The following GPR139 variants were observed in gnomAD, a reference collection of about 807,000 sequenced individuals.
GPR139 encodes probable G protein-coupled receptor 139.
A neutral mutation model predicts 25.8 loss-of-function variants in GPR139; 12 were observed. That is an observed-to-expected ratio of 0.47 (90% CI 0.30 to 0.75). GPR139 has a LOEUF of 0.75. Ranked by LOEUF, GPR139 falls within the 30% of genes least tolerant of loss-of-function variation. The pLI is 0.07. For missense variants in GPR139, 380 were observed against 450.2 expected (o/e 0.84, Z 1.41); for synonymous variants, 184 against 179.9 (o/e 1.02, Z -0.18).
intron 1 of GPR139, among the ~76,000 whole-genome samples, chr16:20,055,897 T>C (rs899393126): frequency 9.2e-5 from 14 of 152,236 alleles, no homozygotes; most frequent in African/African-American, 3.4e-4. Context: ...ATCTGTAGAA[T>C]TGGGTAATAG....
At chr16:20,064,481 G>A (rs370257139) in intron 1 of GPR139, among the ~76,000 whole-genome samples, 9 of 152,280 alleles carry the variant, frequency 5.9e-5, no homozygotes, top group African/African-American at 1.7e-4. Context: ...CTTTCAGTGA[G>A]CTGAAATTGG....
intron 1 of GPR139, among the ~76,000 whole-genome samples, chr16:20,061,371 A>ATGGATGGATAGATGGATAGG (rs2057413879): frequency 2.6e-5 from 4 of 151,594 alleles, no homozygotes; most frequent in African/African-American, 7.3e-5. Context: ...GGGTGGATGG[A>ATGGATGGATAGATGGATAGG]TGGATGGATA....
intron 1 of GPR139, among the ~76,000 whole-genome samples, chr16:20,061,665 A>G (rs2057414904): frequency 6.6e-6 from 1 of 152,228 alleles, no homozygotes; most frequent in Admixed American, 6.5e-5. Flanking sequence ...CTTCCACTTT[A>G]TAGAAAAACA....
intron 1 of GPR139, among the ~76,000 whole-genome samples, chr16:20,037,393 A>G (rs913224094): frequency 1.1e-4 from 16 of 151,182 alleles, no homozygotes; most frequent in Non-Finnish European, 1.6e-4. Context: ...TGGAAGTTAC[A>G]GTGAGCCGAG....
intron 1 of GPR139, among the ~76,000 whole-genome samples, chr16:20,072,842 G>T (rs922627366): frequency 5.9e-5 from 9 of 152,182 alleles, no homozygotes; most frequent in Non-Finnish European, 1.2e-4. Context: ...GGCAGCCACC[G>T]CAGGCTGCCC....
intron 1 of GPR139, among the ~76,000 whole-genome samples, chr16:20,048,724 C>T (rs929566352): frequency 3.9e-5 from 6 of 152,142 alleles, no homozygotes; most frequent in African/African-American, 1.2e-4. Flanking sequence ...AGTTACACAC[C>T]CCATCCCAAT....
intron 1 of GPR139, among the ~76,000 whole-genome samples, chr16:20,066,658 A>G (rs917647222): frequency 6.6e-6 from 1 of 152,226 alleles, no homozygotes; most frequent in Non-Finnish European, 1.5e-5. Flanking sequence ...AGCTCCTACA[A>G]TGTGTGAGGC....
At chr16:20,036,282 G>A (rs2057309851) in intron 1 of GPR139, among the ~76,000 whole-genome samples, 1 of 152,150 alleles carries the variant, frequency 6.6e-6, no homozygotes, top group African/African-American at 2.4e-5. Context: ...GGGTATAGGA[G>A]CTCAGTTGCT....
intron 1 of GPR139, among the ~76,000 whole-genome samples, chr16:20,058,636 A>C (rs2057399924): frequency 6.6e-6 from 1 of 152,188 alleles, no homozygotes; most frequent in African/African-American, 2.4e-5. Context: ...ACTTGGGGTC[A>C]TTATTCCCTT....
At chr16:20,062,360 GATA>G (rs927281153) in intron 1 of GPR139, among the ~76,000 whole-genome samples, 18 of 152,200 alleles carry the variant, frequency 1.2e-4, no homozygotes, top group East Asian at 5.8e-4. Flanking sequence ...CCCGTGAGAG[GATA>G]CAACAAGTCA....
In GPR139 at chr16:20,073,683, C is replaced by T. The variant is rs1015692838; in HGVS notation, c.-67G>A. The T allele has an allele frequency of 2.7e-6, 4 of 1,478,116 alleles. No individual in the cohort carries two copies. The highest frequency in any genetic ancestry group is 2.7e-6 in the Non-Finnish European group (3 of 1,117,218). 91.6% of individuals were successfully genotyped at this position (1,478,116 alleles called of 1,614,324 possible). On this transcript the variant is annotated 5_prime_UTR_variant, in exon 1 of 2. Transcript: ENST00000570682. This position sits in a 1 kb window ranked among gnomAD's most constrained non-coding sequence, Gnocchi z 4.7. ...GCCAGCCCGACTCTGGTCGCCGGCTCGGTGGTGGCGGCGGCGGAGGCAGCG... is the reference window on the plus strand; with the variant it reads ...GCCAGCCCGACTCTGGTCGCCGGCTTGGTGGTGGCGGCGGCGGAGGCAGCG...
chr16:20,038,300 A>G (rs374914399), intron 1 of GPR139, among the ~76,000 whole-genome samples: 26 of 150,656 alleles, frequency 1.7e-4, no homozygotes, highest in Admixed American at 8.6e-4. Context: ...ACACATACAT[A>G]CAGGTTTAAG....
chr16:20,039,770 G>A (rs1277654283), intron 1 of GPR139, among the ~76,000 whole-genome samples: 1 of 152,112 alleles, frequency 6.6e-6, no homozygotes, highest in Non-Finnish European at 1.5e-5. Flanking sequence ...AAATTAGAAG[G>A]GGAAAGTCTG....
intron 1 of GPR139, among the ~76,000 whole-genome samples, chr16:20,052,870 T>C (rs1658090889): frequency 6.6e-6 from 1 of 152,046 alleles, no homozygotes; most frequent in African/African-American, 2.4e-5. Context: ...AAATTATTAA[T>C]TTTAAGTTCC....
rs555248129 is a variant in GPR139, at chr16:20,036,791, G to C, written c.128-4122C>G. 2.0e-5 allele frequency among the ~76,000 whole-genome samples: 3 copies of C among 152,318 alleles called. No individual in the cohort carries two copies. In the South Asian group the frequency reaches 6.2e-4, roughly 32 times the overall value. ...GTTAATAAGACTATCTACCTCATAG[G>C]GTTGTTCTGAGGGTTAAGTGAGATA... On this transcript the variant is annotated intron_variant, in intron 1 of 1. Transcript: ENST00000570682.
chr16:20,071,661 C>T (rs2057459642), intron 1 of GPR139, among the ~76,000 whole-genome samples: 1 of 152,174 alleles, frequency 6.6e-6, no homozygotes, highest in Non-Finnish European at 1.5e-5. Flanking sequence ...GATGTCAATG[C>T]TGTGTGTCAG....
At chr16:20,060,562 T>C (rs1322163011) in intron 1 of GPR139, among the ~76,000 whole-genome samples, 2 of 152,116 alleles carry the variant, frequency 1.3e-5, no homozygotes, top group African/African-American at 4.8e-5. Flanking sequence ...ATAGGAAATG[T>C]CTGTGGCTGA....
At position 20,031,782 on chromosome 16, in the gene GPR139, C is replaced by T; in HGVS notation, c.1015G>A (p.Val339Met). The T allele has an allele frequency of 6.2e-7, 1 of 1,614,176 alleles. No homozygotes were observed. Among genetic ancestry groups the T allele is most frequent in the Non-Finnish European group, 8.5e-7 (1 of 1,180,038 alleles). ...TTTCCATTTTTGTCATACTGGTACA[C>T]CAGCATCTTGATGCAGTGTGAGTTT... ...PANSHCIKML[V>M]YQYDKNGKPI... The change falls in exon 2 of 2, where the codon GTG (valine) becomes ATG (methionine). Residue 339 changes from valine to methionine, a missense_variant. Coordinates refer to ENST00000570682, the MANE Select transcript of GPR139 (RefSeq NM_001002911.4).
At chr16:20,045,362 T>C (rs2141206271) in intron 1 of GPR139, among the ~76,000 whole-genome samples, 1 of 152,208 alleles carries the variant, frequency 6.6e-6, no homozygotes, top group East Asian at 1.9e-4. Flanking sequence ...ATCCTTATTT[T>C]AAAGACAGGA....
Sources: gnomAD v4.1 joint callset for allele counts (sites outside exome capture counted in the v4.1 genomes callset) on GRCh38, gnomAD v4.1.1 for gene constraint, Gnocchi (gnomAD v3.1) non-coding constraint, MANE v1.5 for transcripts, NCBI Gene and HGNC (gene_info 2026-07-23, HGNC 2026-07-21) for gene names.